The following FHIP1A variants were observed in gnomAD, a reference collection of about 807,000 sequenced individuals.
FHIP1A encodes FHF complex subunit HOOK interacting protein 1A.
FHIP1A carries 61 observed loss-of-function variants against 88.6 expected under a neutral mutation model. The ratio of observed to expected loss-of-function variants is 0.69; its 90% CI spans 0.56 to 0.85. The LOEUF is 0.85. Among genes scored for constraint, FHIP1A ranks in the 40% least tolerant of loss-of-function variants. The probability of loss-of-function intolerance (pLI) is 0.00; values close to 1 mark genes in which losing one functional copy is unlikely to be tolerated. For synonymous variants in FHIP1A, 478 were observed against 496.0 expected, an observed-to-expected ratio of 0.96 and a Z score of 0.48; for missense variants, 1,154 against 1,273.5, an observed-to-expected ratio of 0.91 and a Z score of 1.43.
chr4:151,534,679 T>C (rs1167160162), intron 3 of FHIP1A: 1 of 152,170 alleles, frequency 6.6e-6, no homozygotes, highest in Non-Finnish European at 1.5e-5. Flanking sequence ...GTTAAAATAA[T>C]TTTTTCCCCC....
At chr4:151,599,216 C>T (rs1238608906) in intron 7 of FHIP1A, among the ~76,000 whole-genome samples, 3 of 152,066 alleles carry the variant, frequency 2.0e-5, no homozygotes, top group Non-Finnish European at 2.9e-5. Context: ...GCTATAGATA[C>T]GGATATGATT....
intron 3 of FHIP1A, among the ~76,000 whole-genome samples, chr4:151,525,649 T>C (rs1053499981): frequency 6.6e-6 from 1 of 152,230 alleles, no homozygotes; most frequent in African/African-American, 2.4e-5. Context: ...AGGAATTACA[T>C]TTATTCTTTC....
chr4:151,461,164 C>T (rs1352049619), intron 2 of FHIP1A, among the ~76,000 whole-genome samples: 2 of 152,058 alleles, frequency 1.3e-5, no homozygotes, highest in Non-Finnish European at 2.9e-5. Context: ...AGTGTGCAGC[C>T]TCCTCATGGG....
chr4:151,605,427 A>G (rs114085334), intron 7 of FHIP1A, among the ~76,000 whole-genome samples: 646 of 152,320 alleles, frequency 4.2e-3, no homozygotes, highest in Non-Finnish European at 7.4e-3. Flanking sequence ...GGCATTCGCA[A>G]TGATAACTGT....
At chr4:151,496,139 G>A (rs147928674) in intron 3 of FHIP1A, among the ~76,000 whole-genome samples, 3 of 151,584 alleles carry the variant, frequency 2.0e-5, no homozygotes, top group Non-Finnish European at 4.4e-5. Flanking sequence ...TATTGGACAT[G>A]TTTTCCTGCA....
chr4:151,512,402 C>T (rs1731070599), intron 3 of FHIP1A, among the ~76,000 whole-genome samples: 2 of 152,240 alleles, frequency 1.3e-5, no homozygotes, highest in South Asian at 2.1e-4. Context: ...CGCCGCTCCT[C>T]CTCCAAAGGA....
intron 3 of FHIP1A, among the ~76,000 whole-genome samples, chr4:151,504,604 T>TATGTC (rs879898256): frequency 3.3e-5 from 2 of 61,024 alleles, no homozygotes; most frequent in Admixed American, 1.6e-4. Flanking sequence ...TATGTTATGT[T>TATGTC]ATGTCATGTT....
rs1737775986 is a variant in FHIP1A, at chr4:151,669,259, C to A, written c.*6505C>A. Among the ~76,000 whole-genome samples, 1 of 152,206 alleles carries A rather than the reference C, an allele frequency of 6.6e-6. No individual in the cohort carries two copies. The highest frequency in any genetic ancestry group is 1.5e-5 in the Non-Finnish European group (1 of 68,036). ...GGATTTCAGAAGCTGGCATTCAAGA[C>A]AACAGGCAGTTTGTCAGAGCTGAAT... On this transcript the variant is annotated 3_prime_UTR_variant, in exon 14 of 14. Coordinates refer to ENST00000435205, the MANE Select transcript of FHIP1A (RefSeq NM_001109977.3).
chr4:151,478,005 T>C (rs1319419763), intron 2 of FHIP1A, among the ~76,000 whole-genome samples: 1 of 152,180 alleles, frequency 6.6e-6, no homozygotes, highest in Non-Finnish European at 1.5e-5. Flanking sequence ...ACTATGAATG[T>C]ATTCTGCATA....
chr4:151,607,224 A>G (rs974955759), intron 7 of FHIP1A, among the ~76,000 whole-genome samples: 1 of 152,224 alleles, frequency 6.6e-6, no homozygotes, highest in Non-Finnish European at 1.5e-5. Flanking sequence ...GGACTTAAAC[A>G]GAAGAGTACC....
chr4:151,645,349 G>T (rs1736751914), intron 9 of FHIP1A, among the ~76,000 whole-genome samples: 1 of 152,102 alleles, frequency 6.6e-6, no homozygotes. Flanking sequence ...GTACCACACA[G>T]AGAATGGAAT....
At chr4:151,489,089 A>C (rs1050257573) in intron 3 of FHIP1A, among the ~76,000 whole-genome samples, 1 of 152,244 alleles carries the variant, frequency 6.6e-6, no homozygotes, top group African/African-American at 2.4e-5. Flanking sequence ...TTACCGCTGC[A>C]AACTCTACGT....
intron 3 of FHIP1A, among the ~76,000 whole-genome samples, chr4:151,493,207 C>G (rs1730345993): frequency 6.6e-6 from 1 of 152,030 alleles, no homozygotes; most frequent in African/African-American, 2.4e-5. Context: ...ACCTTTATGG[C>G]TACAGACTAG....
chr4:151,540,756 G>A (rs1422466566), intron 3 of FHIP1A, among the ~76,000 whole-genome samples: 1 of 151,992 alleles, frequency 6.6e-6, no homozygotes, highest in African/African-American at 2.4e-5. Context: ...GTATTTTCTG[G>A]GTGTGTTTTG....
At chr4:151,620,163 C>G (rs955332398) in intron 7 of FHIP1A, among the ~76,000 whole-genome samples, 3 of 152,202 alleles carry the variant, frequency 2.0e-5, no homozygotes, top group African/African-American at 4.8e-5. Flanking sequence ...TGCAGGGCCA[C>G]TGCATAGAGT....
intron 1 of FHIP1A, among the ~76,000 whole-genome samples, chr4:151,434,693 G>A (rs1733734722): frequency 6.6e-6 from 1 of 152,114 alleles, no homozygotes; most frequent in Non-Finnish European, 1.5e-5. Context: ...AGTGACATGG[G>A]ACTAATCATT....
intron 8 of FHIP1A, among the ~76,000 whole-genome samples, chr4:151,632,779 G>T (rs1391278079): frequency 1.3e-5 from 2 of 151,992 alleles, no homozygotes; most frequent in African/African-American, 4.8e-5. Flanking sequence ...CTGGAGACAA[G>T]TGAAAATGAA....
intron 5 of FHIP1A, among the ~76,000 whole-genome samples, chr4:151,579,482 G>C (rs1380205328): frequency 6.6e-6 from 1 of 152,276 alleles, no homozygotes; most frequent in South Asian, 2.1e-4. Flanking sequence ...TAGCTTATTT[G>C]AATTGTTTAA....
chr4:151,510,106 T>C (rs969854229), intron 3 of FHIP1A, among the ~76,000 whole-genome samples: 3 of 149,804 alleles, frequency 2.0e-5, no homozygotes, highest in Non-Finnish European at 4.5e-5. Flanking sequence ...CCTGCCAGCA[T>C]TTTTTTTTTC....
Sources: gnomAD v4.1 joint callset for allele counts (sites outside exome capture counted in the v4.1 genomes callset) on GRCh38, gnomAD v4.1.1 for gene constraint, MANE v1.5 for transcripts, NCBI Gene and HGNC (gene_info 2026-07-23, HGNC 2026-07-21) for gene names.